GLDC: variants seen among roughly 807,000 people sequenced by gnomAD.
GLDC encodes the protein glycine decarboxylase.
A neutral mutation model predicts 121.3 loss-of-function variants in GLDC; 104 were observed. The ratio of observed to expected loss-of-function variants is 0.86; its 90% CI spans 0.73 to 1.01. The LOEUF (loss-of-function observed/expected upper bound fraction) is 1.01, where lower values mean the gene tolerates loss of function less well. Ranked by LOEUF, GLDC falls within the 50% of genes least tolerant of loss-of-function variation. GLDC has a pLI of 0.00. For missense variants in GLDC, 1,429 were observed against 1,306.6 expected (o/e 1.09, Z -1.44); for synonymous variants, 546 against 480.6 (o/e 1.14, Z -1.78).
chr9:6,569,592 C>T (rs1169974996), intron 15 of GLDC, among the ~76,000 whole-genome samples: 1 of 152,112 alleles, frequency 6.6e-6, no homozygotes, highest in South Asian at 2.1e-4. Flanking sequence ...GCGGAGGTTG[C>T]AGCGAGCTGA....
chr9:6,621,033 G>A (rs761818096), intron 2 of GLDC, among the ~76,000 whole-genome samples: 20 of 152,092 alleles, frequency 1.3e-4, no homozygotes, highest in Non-Finnish European at 2.5e-4. Flanking sequence ...AGCCAGGCAT[G>A]GTGGTTCACA....
At chr9:6,545,212 T>G (rs1032218117) in intron 21 of GLDC, among the ~76,000 whole-genome samples, 10 of 152,188 alleles carry the variant, frequency 6.6e-5, no homozygotes, top group African/African-American at 1.9e-4. Flanking sequence ...TTCTGAGAAG[T>G]GCATTGTGAG....
intron 2 of GLDC, among the ~76,000 whole-genome samples, chr9:6,626,053 C>G (rs1000920974): frequency 5.9e-5 from 9 of 151,828 alleles, no homozygotes; most frequent in African/African-American, 2.2e-4. Context: ...CAGCAAAAAT[C>G]TATGCTCTCG....
chr9:6,589,884 G>A (rs374785780), intron 11 of GLDC, among the ~76,000 whole-genome samples: 2 of 152,206 alleles, frequency 1.3e-5, no homozygotes, highest in African/African-American at 2.4e-5. Context: ...GTGAAACCCC[G>A]TCTCTACTAA....
At chr9:6,632,234 CATG>C (rs370615025) in intron 2 of GLDC, among the ~76,000 whole-genome samples, 40 of 152,342 alleles carry the variant, frequency 2.6e-4, no homozygotes, top group African/African-American at 9.4e-4. Flanking sequence ...ATCACAGACT[CATG>C]ATGATGAATC....
intron 2 of GLDC, among the ~76,000 whole-genome samples, chr9:6,637,865 C>CT (rs541539758): frequency 2.9e-4 from 42 of 145,932 alleles, no homozygotes; most frequent in East Asian, 8.0e-4. Context: ...TTTTTTTTTA[C>CT]TTTTTTTTTT....
chr9:6,590,374 C>A (rs1245711065), intron 11 of GLDC, among the ~76,000 whole-genome samples: 1 of 152,094 alleles, frequency 6.6e-6, no homozygotes, highest in East Asian at 1.9e-4. Flanking sequence ...TAATACTTGT[C>A]CCCTCCAGAT....
At chr9:6,622,592 C>T (rs879735499) in intron 2 of GLDC, among the ~76,000 whole-genome samples, 7 of 152,272 alleles carry the variant, frequency 4.6e-5, no homozygotes, top group Non-Finnish European at 1.0e-4. Flanking sequence ...CGGCTCGCTA[C>T]AACCTCCACC....
intron 2 of GLDC, among the ~76,000 whole-genome samples, chr9:6,626,037 T>C (rs915125138): frequency 6.6e-6 from 1 of 151,932 alleles, no homozygotes; most frequent in African/African-American, 2.4e-5. Flanking sequence ...CCCCTCTGCC[T>C]GCCTTCAGCA....
At chr9:6,593,109 C>A (rs1220477625) in intron 9 of GLDC, 119 bp from the exon 10 acceptor site, 21 of 1,029,098 alleles carry the variant, frequency 2.0e-5, no homozygotes, top group African/African-American at 3.2e-5. Context: ...CTGGGGAGTG[C>A]TTTGGTGATT....
intron 15 of GLDC, chr9:6,569,236 G>C (rs1817907327): frequency 6.6e-6 from 1 of 152,140 alleles, no homozygotes; most frequent in Admixed American, 6.5e-5. Context: ...TAGTTCAGAA[G>C]AGCTAAAAGT....
intron 5 of GLDC, chr9:6,605,743 G>A: frequency 8.4e-6 from 2 of 238,620 alleles, no homozygotes; most frequent in South Asian, 1.3e-4. Context: ...TATGGGTAGG[G>A]GGAAGAATGC....
chr9:6,555,180 C>T (rs1817597142), intron 18 of GLDC, among the ~76,000 whole-genome samples: 1 of 152,174 alleles, frequency 6.6e-6, no homozygotes, highest in Admixed American at 6.5e-5. Context: ...GCGTGGTCGG[C>T]TTTAGTATGA....
intron 15 of GLDC, among the ~76,000 whole-genome samples, chr9:6,586,293 C>T (rs1818270409): frequency 6.6e-6 from 1 of 151,932 alleles, no homozygotes; most frequent in African/African-American, 2.4e-5. Flanking sequence ...AAAACTCCAT[C>T]TAAAAAAACA....
intron 16 of GLDC, among the ~76,000 whole-genome samples, chr9:6,562,831 G>A (rs1817784699): frequency 6.6e-6 from 1 of 152,238 alleles, no homozygotes; most frequent in Non-Finnish European, 1.5e-5. Context: ...AATGTGCTGG[G>A]ATTACAGGCA....
At chr9:6,624,132 G>A (rs544608918) in intron 2 of GLDC, among the ~76,000 whole-genome samples, 10 of 152,324 alleles carry the variant, frequency 6.6e-5, no homozygotes, top group East Asian at 5.8e-4. Context: ...GGGAGACCCC[G>A]GCCCAGGGAG....
At chr9:6,632,423 A>G (rs138965112) in intron 2 of GLDC, among the ~76,000 whole-genome samples, 1,849 of 152,334 alleles carry the variant, frequency 0.012, 26 homozygotes, top group African/African-American at 0.042. Context: ...GTCAGTTAGT[A>G]TGTTGATGAT....
At chr9:6,585,497 C>T (rs1225154433) in intron 15 of GLDC, among the ~76,000 whole-genome samples, 2 of 151,858 alleles carry the variant, frequency 1.3e-5, no homozygotes, top group African/African-American at 4.9e-5. Context: ...TGAAGTGAGA[C>T]TTTAAGACGC....
At chr9:6,579,578 C>T (rs1205850564) in intron 15 of GLDC, among the ~76,000 whole-genome samples, 1 of 152,080 alleles carries the variant, frequency 6.6e-6, no homozygotes, top group Non-Finnish European at 1.5e-5. Flanking sequence ...AGGCTGTTCT[C>T]AAACTCCTGG....
Sources: gnomAD v4.1 joint callset for allele counts (sites outside exome capture counted in the v4.1 genomes callset) on GRCh38, gnomAD v4.1.1 for gene constraint, MANE v1.5 for transcripts, NCBI Gene and HGNC (gene_info 2026-07-23, HGNC 2026-07-21) for gene names.